MINDY3: variants seen among roughly 807,000 people sequenced by gnomAD.
MINDY3 encodes the protein ubiquitin carboxyl-terminal hydrolase MINDY-3.
Under a neutral mutation model 69.2 loss-of-function variants are expected in MINDY3, and 38 were observed. The observed-to-expected ratio is 0.55, with a 90% CI of 0.42 to 0.72. The LOEUF (loss-of-function observed/expected upper bound fraction) is 0.72, where lower values mean the gene tolerates loss of function less well. Among genes scored for constraint, MINDY3 ranks in the 30% least tolerant of loss-of-function variants. MINDY3 has a pLI of 0.00. For missense variants in MINDY3, 522 were observed against 519.0 expected (o/e 1.01, Z -0.06); for synonymous variants, 192 against 180.1 (o/e 1.07, Z -0.53).
At chr10:15,843,704 T>G (rs572303550) in intron 2 of MINDY3, among the ~76,000 whole-genome samples, 1 of 152,238 alleles carries the variant, frequency 6.6e-6, no homozygotes, top group South Asian at 2.1e-4. Flanking sequence ...GACACAAGAT[T>G]AACACTATTA....
intron 12 of MINDY3, chr10:15,789,007 C>T: frequency 2.8e-6 from 1 of 353,476 alleles, no homozygotes; most frequent in Non-Finnish European, 5.2e-6. Flanking sequence ...TAGAAAGACA[C>T]TTTTAGCATT....
intron 8 of MINDY3, among the ~76,000 whole-genome samples, chr10:15,827,940 A>G (rs1317971495): frequency 3.3e-5 from 5 of 152,208 alleles, no homozygotes; most frequent in Non-Finnish European, 5.9e-5. Flanking sequence ...ACTCTCCTAC[A>G]CACTTCAAAG....
intron 3 of MINDY3, among the ~76,000 whole-genome samples, chr10:15,842,453 T>A (rs758583353): frequency 4.6e-5 from 7 of 151,870 alleles, no homozygotes; most frequent in Non-Finnish European, 8.8e-5. Flanking sequence ...AAAAATAGTA[T>A]CTCAAATAGT....
At chr10:15,793,007 C>G (rs572861730) in intron 11 of MINDY3, among the ~76,000 whole-genome samples, 4 of 152,256 alleles carry the variant, frequency 2.6e-5, no homozygotes, top group South Asian at 4.2e-4. Context: ...CGTCCAACAT[C>G]ACACAGCTAG....
At chr10:15,829,241 T>C (rs903426079) in intron 8 of MINDY3, among the ~76,000 whole-genome samples, 4 of 152,160 alleles carry the variant, frequency 2.6e-5, no homozygotes, top group Admixed American at 6.5e-5. Flanking sequence ...TGGGGCCAGA[T>C]GGAATGAGCA....
At chr10:15,819,738 C>G (rs1839626979) in intron 9 of MINDY3, among the ~76,000 whole-genome samples, 1 of 152,188 alleles carries the variant, frequency 6.6e-6, no homozygotes, top group South Asian at 2.1e-4. Flanking sequence ...TTTCACCTAT[C>G]CAAGTGTTAG....
chr10:15,789,154 A>G, intron 12 of MINDY3, 93 bp downstream of exon 12: 1 of 843,008 alleles, frequency 1.2e-6, no homozygotes, highest in Non-Finnish European at 1.9e-6. Context: ...ATATGCAGAT[A>G]TAGATTTTTA....
intron 10 of MINDY3, among the ~76,000 whole-genome samples, 162 bp downstream of exon 10, chr10:15,816,673 C>T (rs896133508): frequency 5.9e-5 from 9 of 152,004 alleles, no homozygotes; most frequent in African/African-American, 1.2e-4. Flanking sequence ...ATTTAGAGCA[C>T]GAAAACAGTA....
chr10:15,831,673 C>CTTTTT (rs10716234), intron 8 of MINDY3, among the ~76,000 whole-genome samples: 49 of 121,348 alleles, frequency 4.0e-4, no homozygotes, highest in Non-Finnish European at 6.1e-4. Flanking sequence ...GCCTCCTTTT[C>CTTTTT]TTTTTTTTTT....
At chr10:15,821,538 G>C (rs72781880) in intron 9 of MINDY3, 118 bp downstream of exon 9, 16,144 of 658,266 alleles carry the variant, frequency 0.025, 262 homozygotes, top group African/African-American at 0.058. Context: ...GAAGGAAGAA[G>C]AGAGCGGTAC....
At chr10:15,850,940 G>A (rs988563619) in intron 1 of MINDY3, among the ~76,000 whole-genome samples, 1 of 152,074 alleles carries the variant, frequency 6.6e-6, no homozygotes, top group Admixed American at 6.6e-5. Flanking sequence ...AACACTTAGG[G>A]AAAATAGAAA....
rs141876239 is a variant in MINDY3 at position 15,841,553 on chromosome 10, T to C, written c.282A>G (p.Leu94=). The change falls in exon 4 of 15, where the codon TTA becomes TTG. Residue 94 remains leucine, a synonymous_variant. Coordinates refer to ENST00000277632, the MANE Select transcript of MINDY3 (RefSeq NM_024948.4). ...CAGAGTGGTCACAACAAGCACTTTC[T>C]AAAATATCACACAAGGTATGACAAA... The part of the protein sequence containing the change: ...ELLCHTLCDI[L]ESACCDHSGS... 5 of 1,611,264 alleles carry C rather than the reference T, an allele frequency of 3.1e-6. No individual in the cohort carries two copies. Among genetic ancestry groups the C allele is most frequent in the Non-Finnish European group, 4.2e-6 (5 of 1,178,364 alleles).
At chr10:15,832,523 A>G (rs543317966) in intron 8 of MINDY3, among the ~76,000 whole-genome samples, 2 of 152,314 alleles carry the variant, frequency 1.3e-5, no homozygotes, top group South Asian at 2.1e-4. Context: ...GATGATCTCA[A>G]TTAAAGAGAG....
intron 10 of MINDY3, among the ~76,000 whole-genome samples, chr10:15,807,337 G>C (rs898607879): frequency 6.6e-6 from 1 of 152,176 alleles, no homozygotes; most frequent in African/African-American, 2.4e-5. Flanking sequence ...GGAGCAACAA[G>C]AGAGTAGGAG....
At chr10:15,782,618 T>G (rs139634789) in intron 13 of MINDY3, among the ~76,000 whole-genome samples, 150 of 152,308 alleles carry the variant, frequency 9.8e-4, no homozygotes, top group Non-Finnish European at 1.5e-3. Context: ...AGCATCACTT[T>G]TACTCAGACT....
At chr10:15,806,959 G>C (rs1320327153) in intron 10 of MINDY3, among the ~76,000 whole-genome samples, 3 of 152,142 alleles carry the variant, frequency 2.0e-5, no homozygotes, top group Non-Finnish European at 4.4e-5. Context: ...TTAAGGGAGG[G>C]AAGTAGTTAA....
intron 6 of MINDY3, among the ~76,000 whole-genome samples, chr10:15,836,786 A>G (rs756025137): frequency 4.6e-5 from 7 of 151,886 alleles, no homozygotes; most frequent in Non-Finnish European, 1.0e-4. Context: ...AAGGAAACAA[A>G]GCTATCAAAG....
chr10:15,790,903 G>C (rs1270246516), intron 11 of MINDY3, among the ~76,000 whole-genome samples: 1 of 152,090 alleles, frequency 6.6e-6, no homozygotes, highest in African/African-American at 2.4e-5. Context: ...ATGGCTGGCA[G>C]CCTTTCCGCA....
In MINDY3 at chr10:15,789,983, T is replaced by G. The variant is rs144555557; in HGVS notation, c.956-664A>C. ...TGGGGTAGTTTGAAATGAGAGTGGT[T>G]TTAAACAAAAGTTGTTTATTCCTTA... On this transcript the variant is annotated intron_variant, in intron 11 of 14. Coordinates refer to ENST00000277632, the MANE Select transcript of MINDY3 (RefSeq NM_024948.4). Among the ~76,000 whole-genome samples the G allele has an allele frequency of 9.0e-3, 1,367 of 152,270 alleles. 11 individuals are homozygous for G. Among genetic ancestry groups the G allele is most frequent in the Non-Finnish European group, 0.013 (869 of 67,998 alleles).
Sources: allele counts gnomAD v4.1 joint callset (sites outside exome capture counted in the v4.1 genomes callset), GRCh38; gene constraint gnomAD v4.1.1; transcripts MANE v1.5; gene names NCBI Gene and HGNC (gene_info 2026-07-23, HGNC 2026-07-21).